The following ANKS1B variants were observed in gnomAD, a reference collection of about 807,000 sequenced individuals.
The protein encoded by ANKS1B is ankyrin repeat and sterile alpha motif domain containing 1B.
In ANKS1B, 36 loss-of-function variants were observed where a neutral mutation model predicts 148.3. The observed-to-expected ratio is 0.24, with a 90% CI of 0.19 to 0.32. ANKS1B has a LOEUF of 0.32. Ranked by LOEUF, ANKS1B falls within the 10% of genes least tolerant of loss-of-function variation. ANKS1B has a pLI of 1.00. For synonymous variants in ANKS1B, 542 were observed against 560.8 expected (o/e 0.97, Z 0.47); for missense variants, 1,157 against 1,542.6 (o/e 0.75, Z 4.19).
At chr12:99,710,057 C>T (rs189720938) in intron 8 of ANKS1B, among the ~76,000 whole-genome samples, 78 of 152,144 alleles carry the variant, frequency 5.1e-4, no homozygotes, top group African/African-American at 1.6e-3. Flanking sequence ...ATTCATTTTC[C>T]GTATTATAGT....
chr12:99,345,468 T>C (rs546204660), intron 12 of ANKS1B, among the ~76,000 whole-genome samples: 12 of 152,160 alleles, frequency 7.9e-5, no homozygotes, highest in African/African-American at 2.6e-4. Context: ...TTTCAGTTGT[T>C]AAATACAGAT....
chr12:99,696,192 A>G (rs1264282908), intron 8 of ANKS1B, among the ~76,000 whole-genome samples: 2 of 152,232 alleles, frequency 1.3e-5, no homozygotes, highest in African/African-American at 2.4e-5. Context: ...TTCGTTGTTC[A>G]TCTCATGATA....
chr12:99,319,052 C>T (rs2084720129), intron 12 of ANKS1B, among the ~76,000 whole-genome samples: 1 of 151,992 alleles, frequency 6.6e-6, no homozygotes, highest in African/African-American at 2.4e-5. Flanking sequence ...GTTATAAGTT[C>T]TCTGTTCTTT....
intron 17 of ANKS1B, among the ~76,000 whole-genome samples, chr12:98,966,310 A>T (rs2099877844): frequency 6.6e-6 from 1 of 152,224 alleles, no homozygotes; most frequent in African/African-American, 2.4e-5. Context: ...GCTCATCATC[A>T]CTGGCCATCA....
chr12:98,754,580 T>C (rs1461255154), intron 25 of ANKS1B, among the ~76,000 whole-genome samples: 3 of 152,234 alleles, frequency 2.0e-5, no homozygotes, highest in Non-Finnish European at 4.4e-5. Flanking sequence ...AGTGATTCTG[T>C]AACATGTGGT....
chr12:99,874,940 T>G (rs944412472), intron 1 of ANKS1B, among the ~76,000 whole-genome samples: 1 of 152,188 alleles, frequency 6.6e-6, no homozygotes, highest in African/African-American at 2.4e-5. Flanking sequence ...CGTATTATAG[T>G]AAGAACTCAG....
At chr12:99,665,040 T>A (rs2098499002) in intron 8 of ANKS1B, among the ~76,000 whole-genome samples, 1 of 152,220 alleles carries the variant, frequency 6.6e-6, no homozygotes, top group Non-Finnish European at 1.5e-5. Flanking sequence ...GGCATTTGGT[T>A]GTTTTCAGCT....
chr12:99,891,577 A>G (rs12297067), intron 1 of ANKS1B, among the ~76,000 whole-genome samples: 1 of 152,100 alleles, frequency 6.6e-6, no homozygotes, highest in Non-Finnish European at 1.5e-5. Flanking sequence ...GCATATTTTC[A>G]TGTGTTTATT....
At chr12:99,366,865 A>G (rs2092798663) in intron 12 of ANKS1B, among the ~76,000 whole-genome samples, 1 of 152,142 alleles carries the variant, frequency 6.6e-6, no homozygotes, top group Non-Finnish European at 1.5e-5. Context: ...GAAATGGCCA[A>G]AAAAAATCAT....
intron 15 of ANKS1B, among the ~76,000 whole-genome samples, chr12:99,109,772 T>C (rs2059930159): frequency 6.6e-6 from 1 of 152,210 alleles, no homozygotes; most frequent in Non-Finnish European, 1.5e-5. Flanking sequence ...CCCAACATAC[T>C]ATGTCATCTT....
chr12:99,601,302 T>G (rs1407828116), intron 9 of ANKS1B, among the ~76,000 whole-genome samples: 2 of 152,068 alleles, frequency 1.3e-5, no homozygotes, highest in Non-Finnish European at 2.9e-5. Context: ...AACTAAAATT[T>G]TCACCTCTTT....
intron 1 of ANKS1B, among the ~76,000 whole-genome samples, chr12:99,898,608 T>C (rs370923723): frequency 4.6e-5 from 7 of 152,284 alleles, no homozygotes; most frequent in African/African-American, 1.4e-4. Context: ...ATTTTGGCCC[T>C]GGCTTCCATG....
chr12:98,762,318 C>G (rs573559391), intron 25 of ANKS1B, among the ~76,000 whole-genome samples: 1 of 152,244 alleles, frequency 6.6e-6, no homozygotes, highest in South Asian at 2.1e-4. Flanking sequence ...TCAGGATTCT[C>G]TGATTAGAAG....
intron 22 of ANKS1B, among the ~76,000 whole-genome samples, chr12:98,798,569 A>G (rs1399336014): frequency 6.6e-6 from 1 of 152,044 alleles, no homozygotes; most frequent in African/African-American, 2.4e-5. Context: ...TCTGCTTTTG[A>G]TAATTTTAGT....
At chr12:99,138,362 C>T (rs1480378653) in intron 15 of ANKS1B, among the ~76,000 whole-genome samples, 2 of 152,184 alleles carry the variant, frequency 1.3e-5, no homozygotes, top group African/African-American at 4.8e-5. Context: ...CTATTGAAAA[C>T]AGATTTGCTG....
At chr12:99,581,452 A>G (rs185950358) in intron 9 of ANKS1B, among the ~76,000 whole-genome samples, 77 of 152,352 alleles carry the variant, frequency 5.1e-4, no homozygotes, top group Middle Eastern at 6.8e-3. Context: ...AAAATTTCTA[A>G]AGAAAAATAT....
chr12:99,761,022 T>C (rs1033834059), intron 8 of ANKS1B, among the ~76,000 whole-genome samples: 22 of 78,072 alleles, frequency 2.8e-4, no homozygotes, highest in Middle Eastern at 9.8e-3. Context: ...AATAGACCAA[T>C]AATGAATTCC....
chr12:99,313,646 A>T (rs1174894677), intron 12 of ANKS1B, among the ~76,000 whole-genome samples: 2 of 152,210 alleles, frequency 1.3e-5, no homozygotes, highest in Admixed American at 1.3e-4. Flanking sequence ...CCATCACATA[A>T]ACAGAACCAA....
chr12:99,220,268 G>A (rs1171353771), intron 14 of ANKS1B, among the ~76,000 whole-genome samples: 4 of 152,122 alleles, frequency 2.6e-5, no homozygotes, highest in Non-Finnish European at 2.9e-5. Flanking sequence ...AAAGTGCTGG[G>A]ATTACAGGTG....
Sources: allele counts gnomAD v4.1 joint callset (sites outside exome capture counted in the v4.1 genomes callset), GRCh38; gene constraint gnomAD v4.1.1; transcripts MANE v1.5; gene names NCBI Gene and HGNC (gene_info 2026-07-23, HGNC 2026-07-21).